The following DIP2C variants were observed in gnomAD, a reference collection of about 807,000 sequenced individuals.
The protein encoded by DIP2C is disco-interacting protein 2 homolog C.
DIP2C carries 33 observed loss-of-function variants against 192.4 expected under a neutral mutation model. The ratio of observed to expected loss-of-function variants is 0.17; its 90% CI spans 0.13 to 0.23. The LOEUF is 0.23. Ranked by LOEUF, DIP2C falls within the 10% of genes least tolerant of loss-of-function variation. The probability of loss-of-function intolerance (pLI) is 1.00; values close to 1 mark genes in which losing one functional copy is unlikely to be tolerated. For synonymous variants in DIP2C, 979 were observed against 864.1 expected, an observed-to-expected ratio of 1.13 and a Z score of -2.33; for missense variants, 1,537 against 2,110.1, an observed-to-expected ratio of 0.73 and a Z score of 5.32.
At chr10:553,187 G>A (rs1234003597) in intron 1 of DIP2C, among the ~76,000 whole-genome samples, 2 of 152,228 alleles carry the variant, frequency 1.3e-5, no homozygotes, top group African/African-American at 2.4e-5. Context: ...AGGAAGAGCT[G>A]GGTCCTGCCC....
At chr10:292,443 G>A (rs1955537801) in intron 32 of DIP2C, among the ~76,000 whole-genome samples, 1 of 152,242 alleles carries the variant, frequency 6.6e-6, no homozygotes, top group Non-Finnish European at 1.5e-5. Context: ...TGGACTTGAA[G>A]TTCGGACTTT....
At chr10:286,251 T>C in intron 34 of DIP2C, 22 bp downstream of exon 34, 1 of 1,613,082 alleles carries the variant, frequency 6.2e-7, no homozygotes, top group Non-Finnish European at 8.5e-7. Context: ...GTAACCTGGA[T>C]CTCGGAGGAC....
At chr10:615,280 A>G (rs1181604709) in intron 1 of DIP2C, among the ~76,000 whole-genome samples, 1 of 152,198 alleles carries the variant, frequency 6.6e-6, no homozygotes, top group African/African-American at 2.4e-5. Context: ...GTGATTAGAC[A>G]GAAGACAGAA....
At chr10:522,135 C>G (rs1248229848) in intron 1 of DIP2C, among the ~76,000 whole-genome samples, 1 of 151,920 alleles carries the variant, frequency 6.6e-6, no homozygotes, top group Admixed American at 6.6e-5. Context: ...TTTACTGTCT[C>G]TGCAGTTGTG....
rs543509637 is a variant in DIP2C at position 359,805 on chromosome 10, G to C, written c.2795-1868C>G. Among the ~76,000 whole-genome samples the C allele has an allele frequency of 1.1e-4, 17 of 152,086 alleles. No individual in the cohort carries two copies. In the East Asian group the frequency reaches 3.3e-3, roughly 29 times the overall value. ...GAAGCATCTTTAACAGATTTTTTTT[G>C]AGACAGAATCTGACTATGTTGCCCA... On this transcript the variant is annotated intron_variant, in intron 22 of 36. Transcript: ENST00000280886.
At chr10:505,697 C>T (rs1374150278) in intron 1 of DIP2C, among the ~76,000 whole-genome samples, 5 of 151,220 alleles carry the variant, frequency 3.3e-5, no homozygotes, top group African/African-American at 7.3e-5. Flanking sequence ...CCCCTGACGC[C>T]ACAGGAGATG....
chr10:626,101 T>A (rs1164210970), intron 1 of DIP2C, among the ~76,000 whole-genome samples: 1 of 152,222 alleles, frequency 6.6e-6, no homozygotes, highest in Non-Finnish European at 1.5e-5. Context: ...AAGATCCACT[T>A]CGTCCATGGA....
chr10:300,151 A>G (rs1341357974), intron 32 of DIP2C, among the ~76,000 whole-genome samples: 2 of 152,202 alleles, frequency 1.3e-5, no homozygotes, highest in East Asian at 3.8e-4. Context: ...CAGCAATTCC[A>G]CTTCTGAGTA....
intron 9 of DIP2C, among the ~76,000 whole-genome samples, chr10:405,294 G>A (rs1964721578): frequency 1.3e-5 from 2 of 152,118 alleles, no homozygotes; most frequent in Non-Finnish European, 2.9e-5. Flanking sequence ...TCTTTATCAG[G>A]GGTTTAAAAT....
intron 1 of DIP2C, among the ~76,000 whole-genome samples, chr10:591,722 C>A (rs889070007): frequency 1.3e-5 from 2 of 152,130 alleles, no homozygotes; most frequent in African/African-American, 4.8e-5. Flanking sequence ...GCAGGAACCA[C>A]CAAGGTAACC....
chr10:518,189 G>A lies in DIP2C; in HGVS notation c.86-31659C>T, dbSNP rs746144595. Among the ~76,000 whole-genome samples, 123 of 152,378 alleles carry A rather than the reference G, an allele frequency of 8.1e-4. 1 individual carries two copies. The highest frequency in any genetic ancestry group is 1.5e-3 in the Non-Finnish European group (104 of 68,036). On this transcript the variant is annotated intron_variant, in intron 1 of 36. Coordinates refer to ENST00000280886, the MANE Select transcript of DIP2C (RefSeq NM_014974.3). ...GTGCTGCTGACCACCCCAAGGTCAT[G>A]GCCTCTGCCTCTTCTCTGCTGACCC...
chr10:323,443 G>C lies in DIP2C; in HGVS notation c.3924+3563C>G, dbSNP rs1467583904. ...TGTTAGAACAGTCAGTCGGGGGTGC[G>C]GGGCTCCAGCGAGAGACCAGCGTTG... On this transcript the variant is annotated intron_variant, in intron 31 of 36. Transcript: ENST00000280886. Among the ~76,000 whole-genome samples the C allele has an allele frequency of 1.9e-4, 10 of 53,096 alleles. 3 individuals are homozygous for C. The highest frequency in any genetic ancestry group is 4.1e-4 in the African/African-American group (10 of 24,296). 34.8% of individuals were successfully genotyped at this position (53,096 alleles called of 152,430 possible). A position where few individuals can be genotyped will look rare whatever the true frequency, so the allele number is the denominator to read the frequency against.
chr10:546,273 C>CACTG (rs1564836887), intron 1 of DIP2C, among the ~76,000 whole-genome samples: 1 of 55,660 alleles, frequency 1.8e-5, no homozygotes. Flanking sequence ...CAGAGCAAGA[C>CACTG]TCTTAAAAAA....
intron 1 of DIP2C, among the ~76,000 whole-genome samples, chr10:604,075 G>T (rs1033798828): frequency 6.4e-5 from 8 of 125,654 alleles, no homozygotes; most frequent in Non-Finnish European, 1.1e-4. Flanking sequence ...CTCATCCTCA[G>T]GTCTCCTCTG....
At chr10:321,539 CA>C (rs1957015270) in intron 31 of DIP2C, among the ~76,000 whole-genome samples, 2 of 114,290 alleles carry the variant, frequency 1.7e-5, no homozygotes, top group African/African-American at 6.2e-5. Flanking sequence ...GCGGGGGCTC[CA>C]GCGAGAGACC....
chr10:477,758 AG>A (rs1564762428), intron 2 of DIP2C, among the ~76,000 whole-genome samples: 11 of 101,118 alleles, frequency 1.1e-4, no homozygotes, highest in African/African-American at 3.2e-4. Context: ...AGAAAAGGAG[AG>A]AGAAGAAAAA....
chr10:512,025 C>G (rs962885869), intron 1 of DIP2C, among the ~76,000 whole-genome samples: 15 of 152,188 alleles, frequency 9.9e-5, no homozygotes, highest in Non-Finnish European at 1.9e-4. Flanking sequence ...TCTCAGGACA[C>G]CGCACACGTT....
In DIP2C at chr10:584,371, G is replaced by A. The variant is rs145887807; in HGVS notation, c.86-97841C>T. On this transcript the variant is annotated intron_variant, in intron 1 of 36. Transcript: ENST00000280886. Reference sequence around the variant, plus strand: ...AATCAGTTGACAGATTCCAAATCTCGGAGCCCACGACCTGACACCCACTCA... The same window carrying A: ...AATCAGTTGACAGATTCCAAATCTCAGAGCCCACGACCTGACACCCACTCA... Among the ~76,000 whole-genome samples, 583 of 152,070 alleles carry A rather than the reference G, an allele frequency of 3.8e-3. 5 individuals are homozygous for A. Among genetic ancestry groups the A allele is most frequent in the African/African-American group, 0.013 (553 of 41,436 alleles).
intron 1 of DIP2C, among the ~76,000 whole-genome samples, chr10:492,654 A>T (rs2133594352): frequency 6.6e-6 from 1 of 152,332 alleles, no homozygotes; most frequent in East Asian, 1.9e-4. Flanking sequence ...AGGAGCAGGA[A>T]AGAAACACAT....
Sources: allele counts gnomAD v4.1 joint callset (sites outside exome capture counted in the v4.1 genomes callset), GRCh38; gene constraint gnomAD v4.1.1; transcripts MANE v1.5; gene names NCBI Gene and HGNC (gene_info 2026-07-23, HGNC 2026-07-21).